The following TNIK variants were observed in gnomAD, a reference collection of about 807,000 sequenced individuals.
The protein encoded by TNIK is TRAF2 and NCK interacting kinase.
A neutral mutation model predicts 191.3 loss-of-function variants in TNIK; 49 were observed. That is an observed-to-expected ratio of 0.26 (90% CI 0.20 to 0.32). The LOEUF (loss-of-function observed/expected upper bound fraction) is 0.32. TNIK is among the 10% of genes least tolerant of loss of function. The probability of loss-of-function intolerance (pLI) is 1.00; values close to 1 mark genes in which losing one functional copy is unlikely to be tolerated. For synonymous variants in TNIK, 594 were observed against 600.9 expected, an observed-to-expected ratio of 0.99 and a Z score of 0.17; for missense variants, 1,155 against 1,702.3, an observed-to-expected ratio of 0.68 and a Z score of 5.66.
At chr3:171,164,224 A>G (rs948432994) in intron 10 of TNIK, among the ~76,000 whole-genome samples, 4 of 152,358 alleles carry the variant, frequency 2.6e-5, no homozygotes, top group Non-Finnish European at 4.4e-5. Flanking sequence ...ATCTATCTTC[A>G]TGGCATGGTG....
intron 5 of TNIK, among the ~76,000 whole-genome samples, chr3:171,192,590 C>A (rs937551458): frequency 2.0e-5 from 3 of 152,208 alleles, no homozygotes; most frequent in African/African-American, 7.2e-5. Context: ...CTTTTAGAAC[C>A]ATGAAGATTA....
chr3:171,344,406 G>C (rs1711820828), intron 2 of TNIK, among the ~76,000 whole-genome samples: 2 of 152,110 alleles, frequency 1.3e-5, no homozygotes, highest in Non-Finnish European at 2.9e-5. Flanking sequence ...GGTGATAGTA[G>C]GGGTGATGGT....
chr3:171,180,879 T>G (rs1736567964), intron 7 of TNIK, among the ~76,000 whole-genome samples: 1 of 152,220 alleles, frequency 6.6e-6, no homozygotes, highest in Non-Finnish European at 1.5e-5. Flanking sequence ...TCCTACTTTG[T>G]CCATAGGTGA....
intron 21 of TNIK, 147 bp from the exon 22 acceptor site, chr3:171,101,780 G>C: frequency 1.4e-6 from 1 of 734,332 alleles, no homozygotes; most frequent in Non-Finnish European, 2.2e-6. Flanking sequence ...ATGGAACTAA[G>C]AAAATGATGT....
At chr3:171,315,215 A>G (rs1754473350) in intron 2 of TNIK, among the ~76,000 whole-genome samples, 1 of 152,152 alleles carries the variant, frequency 6.6e-6, no homozygotes, top group Non-Finnish European at 1.5e-5. Flanking sequence ...CCTTGGCCAC[A>G]GTGACAAAAA....
intron 2 of TNIK, among the ~76,000 whole-genome samples, chr3:171,336,745 G>T (rs1300002697): frequency 3.3e-5 from 5 of 152,196 alleles, no homozygotes; most frequent in Non-Finnish European, 7.3e-5. Flanking sequence ...AACAGTGATA[G>T]ATCCCTGAAG....
At chr3:171,179,480 C>G (rs1736378535) in intron 7 of TNIK, among the ~76,000 whole-genome samples, 2 of 151,700 alleles carry the variant, frequency 1.3e-5, no homozygotes, top group East Asian at 3.9e-4. Flanking sequence ...GAGACGGAGT[C>G]TCGCTCTGTC....
chr3:171,397,650 T>A (rs997729830), intron 1 of TNIK, among the ~76,000 whole-genome samples: 47 of 152,248 alleles, frequency 3.1e-4, no homozygotes, highest in African/African-American at 1.1e-3. Context: ...ACCAAAAAAA[T>A]TTACATTTGA....
intron 2 of TNIK, among the ~76,000 whole-genome samples, chr3:171,346,650 C>T (rs1712242434): frequency 6.6e-6 from 1 of 152,040 alleles, no homozygotes; most frequent in Non-Finnish European, 1.5e-5. Flanking sequence ...CCAAACGGGG[C>T]CTGGGATCTT....
At position 171,093,963 on chromosome 3, in the gene TNIK, G is replaced by A; in HGVS notation, c.2597C>T (p.Thr866Ile). Residue 866 changes from threonine (T) to isoleucine (I), a missense_variant, in exon 23 of 33, where the codon ACA (threonine) becomes ATA (isoleucine). Around this residue, in one of 3 missense-constraint regions of TNIK, gnomAD observed 735 missense variants for 848.0 expected, o/e 0.87. Coordinates refer to ENST00000436636, the MANE Select transcript of TNIK (RefSeq NM_015028.4). ...CTGCTCGTTGCTGCCTGGAGCTCCT[G>A]TTGGTCTGAGATGAGAAGGAACAAC... Reference protein sequence around the residue: ...AVSDIPRLIPTGAPGSNEQYN... With the variant: ...AVSDIPRLIPIGAPGSNEQYN... 8.7e-6 allele frequency: 14 copies of A among 1,612,914 alleles called. No homozygotes were observed. Among genetic ancestry groups the A allele is most frequent in the Non-Finnish European group, 1.1e-5 (13 of 1,179,494 alleles).
intron 31 of TNIK, 40 bp downstream of exon 31, chr3:171,066,536 G>A (rs1441169261): frequency 6.2e-7 from 1 of 1,612,442 alleles, no homozygotes; most frequent in East Asian, 2.2e-5. Flanking sequence ...TTCATTTGGG[G>A]GGTGTAACTG....
chr3:171,123,161 T>C (rs988180598), intron 18 of TNIK, among the ~76,000 whole-genome samples: 5 of 152,234 alleles, frequency 3.3e-5, no homozygotes, highest in Non-Finnish European at 7.3e-5. Context: ...AATTGCTTTG[T>C]AATGTCTCAA....
At position 171,416,008 on chromosome 3, in the gene TNIK, G is replaced by GAAAGAAAGGAAGAAAAAGAA. The variant is rs1723029256; in HGVS notation, c.57+43979_57+43998dup. Among the ~76,000 whole-genome samples, 6 of 98,486 alleles carry GAAAGAAAGGAAGAAAAAGAA rather than the reference G, an allele frequency of 6.1e-5. No homozygotes were observed. In the East Asian group the frequency reaches 1.1e-3, roughly 18 times the overall value. 64.6% of individuals were successfully genotyped at this position (98,486 alleles called of 152,430 possible). A position where few individuals can be genotyped will look rare whatever the true frequency, so the allele number is the denominator to read the frequency against. On this transcript the variant is annotated intron_variant, in intron 1 of 32. Transcript: ENST00000436636. ...AAAAAAAAAAAAAAAGAAAGAAAAA[G>GAAAGAAAGGAAGAAAAAGAA]AAAGAAAGGAAGAAAAAGAAAAAGA...
At chr3:171,306,306 C>T (rs1753444782) in intron 2 of TNIK, among the ~76,000 whole-genome samples, 2 of 152,132 alleles carry the variant, frequency 1.3e-5, no homozygotes, top group Admixed American at 1.3e-4. Flanking sequence ...TGTACACAAA[C>T]CCCCAAACCA....
intron 2 of TNIK, 101 bp from the exon 3 acceptor site, chr3:171,228,322 T>C: frequency 1.7e-6 from 2 of 1,178,192 alleles, no homozygotes; most frequent in Non-Finnish European, 2.4e-6. Context: ...TGCTGTACTA[T>C]GTCAATGGGG....
chr3:171,228,192 T>C lies in TNIK; in HGVS notation c.153A>G (p.Ala51=), dbSNP rs142911215. 408 of 1,613,644 alleles carry C rather than the reference T, an allele frequency of 2.5e-4. 5 individuals are homozygous for C. In the East Asian group the frequency reaches 7.9e-3, roughly 31 times the overall value. ...CTGTGACATCCATAACCTTGATGGC[T>C]GCAAGCTGGCCCGTTTTGACATGAC... The part of the protein sequence containing the change: ...KGRHVKTGQL[A]AIKVMDVTGD... The change falls in exon 3 of 33, where the codon GCA becomes GCG. Residue 51 remains alanine (A), a synonymous_variant. Transcript: ENST00000436636.
rs534013170 is a variant in TNIK, at chr3:171,200,902, C to G, written c.307-6267G>C. On this transcript the variant is annotated intron_variant, in intron 4 of 32. Coordinates refer to ENST00000436636, the MANE Select transcript of TNIK (RefSeq NM_015028.4). ...GTTATTTCACAATTGCAGATACTTACCCAGAATACCCTGACAGGAACTAAT... is the reference window on the plus strand; with the variant it reads ...GTTATTTCACAATTGCAGATACTTAGCCAGAATACCCTGACAGGAACTAAT... Among the ~76,000 whole-genome samples, 7 of 152,242 alleles carry G rather than the reference C, an allele frequency of 4.6e-5. No homozygotes were observed. The South Asian group carries it at 1.4e-3, about 32-fold the overall frequency.
At chr3:171,375,969 G>A (rs756328370) in intron 1 of TNIK, among the ~76,000 whole-genome samples, 35 of 152,092 alleles carry the variant, frequency 2.3e-4, no homozygotes, top group Non-Finnish European at 4.6e-4. Context: ...AACAGAATAC[G>A]GATGGCTGAT....
At chr3:171,347,220 T>TGA in intron 2 of TNIK, 3 of 1,381,690 alleles carry the variant, frequency 2.2e-6, no homozygotes, top group South Asian at 2.8e-5. Context: ...GTTCATTTGC[T>TGA]GAAAAAAAAA....
Sources: gnomAD v4.1 joint callset for allele counts (sites outside exome capture counted in the v4.1 genomes callset) on GRCh38, gnomAD v4.1.1 for gene constraint, gnomAD v4.1.1 regional missense constraint, MANE v1.5 for transcripts, NCBI Gene and HGNC (gene_info 2026-07-23, HGNC 2026-07-21) for gene names.